CALML3: variants seen among roughly 807,000 people sequenced by gnomAD.
CALML3 encodes calmodulin like 3, also known as calmodulin-like protein 3.
For synonymous variants in CALML3, 98 were observed against 89.9 expected, an observed-to-expected ratio of 1.09 and a Z score of -0.51; for missense variants, 198 against 214.1, an observed-to-expected ratio of 0.92 and a Z score of 0.47.
rs1588462373 is a variant in CALML3 at position 5,525,053 on chromosome 10, G to A, written c.-33G>A. The A allele has an allele frequency of 2.7e-6, 4 of 1,499,812 alleles. No homozygotes were observed. The highest frequency in any genetic ancestry group is 3.6e-6 in the Non-Finnish European group (4 of 1,095,970). The allele number at this position is 1,499,812 out of a possible 1,614,324, so 92.9% of individuals were successfully genotyped here. On this transcript the variant is annotated 5_prime_UTR_variant, in exon 1 of 1. Transcript: ENST00000315238. Reference sequence around the variant, plus strand: ...GCACTGGGAGGGAGACCCCACAGTGGCCTCTTCTGCCACCCACGCCCCCAC... The same window carrying A: ...GCACTGGGAGGGAGACCCCACAGTGACCTCTTCTGCCACCCACGCCCCCAC...
Position 5,525,198 on chromosome 10 carries a change from G to A in CALML3, c.113G>A (p.Arg38Gln), listed in dbSNP as rs753391018. The A allele has an allele frequency of 9.3e-6, 15 of 1,613,778 alleles. No individual in the cohort carries two copies. The highest frequency in any genetic ancestry group is 1.6e-4 in the Middle Eastern group (1 of 6,084). ...ITTRELGTVM[R>Q]SLGQNPTEAE... ...ACCCGCGAGCTGGGCACGGTCATGC[G>A]GTCCCTGGGCCAGAACCCCACGGAG... is the stretch of plus-strand genomic sequence containing the variant. Residue 38 changes from arginine (R) to glutamine (Q), a missense_variant, in exon 1 of 1, where the codon CGG becomes CAG. Coordinates refer to ENST00000315238, the MANE Select transcript of CALML3 (RefSeq NM_005185.4).
At position 5,525,668 on chromosome 10, in the gene CALML3, C is replaced by G; in HGVS notation, c.*133C>G. 1 of 1,451,254 alleles carries G rather than the reference C, an allele frequency of 6.9e-7. No individual in the cohort carries two copies. The highest frequency in any genetic ancestry group is 9.1e-7 in the Non-Finnish European group (1 of 1,101,142). The allele number at this position is 1,451,254 out of a possible 1,614,324, so 89.9% of individuals were successfully genotyped here. A position where few individuals can be genotyped will look rare whatever the true frequency, so the allele number is the denominator to read the frequency against. ...CCTCCTGCGCCTGGTTGATTCAGCC[C>G]ACCTCTCTGCATCCCGCTTCCCGCG... On this transcript the variant is annotated 3_prime_UTR_variant, in exon 1 of 1. Coordinates refer to ENST00000315238, the MANE Select transcript of CALML3 (RefSeq NM_005185.4).
rs768296248 is a variant in CALML3 at position 5,525,453 on chromosome 10, A to G, written c.368A>G (p.Asp123Gly). Residue 123 changes from aspartate to glycine, a missense_variant, in exon 1 of 1, where the codon GAC (aspartate) becomes GGC (glycine). Physicochemically the swap from Asp to Gly is moderately conservative, Grantham distance 94 (BLOSUM62 -1). Coordinates refer to ENST00000315238, the MANE Select transcript of CALML3 (RefSeq NM_005185.4). ...GAGAAGCTGAGTGACGAGGAGGTGG[A>G]CGAGATGATCCGGGCCGCGGACACG... ...LGEKLSDEEV[D>G]EMIRAADTDG... 4 of 1,613,928 alleles carry G rather than the reference A, an allele frequency of 2.5e-6. No individual in the cohort carries two copies. In the South Asian group the frequency reaches 3.3e-5, roughly 13 times the overall value.
chr10:5,525,637 T>C lies in CALML3; in HGVS notation c.*102T>C. The stretch of plus-strand genomic sequence containing the variant: ...ATCCCCCTGCCTCCCCTGGGCACTG[T>C]GGCTTCCTCCTGCGCCTGGTTGATT... On this transcript the variant is annotated 3_prime_UTR_variant, in exon 1 of 1. Coordinates refer to ENST00000315238, the MANE Select transcript of CALML3 (RefSeq NM_005185.4). 6.9e-7 allele frequency: 1 copy of C among 1,449,108 alleles called. No individual in the cohort carries two copies. Among genetic ancestry groups the C allele is most frequent in the South Asian group, 1.5e-5 (1 of 68,480 alleles). The allele number at this position is 1,449,108 out of a possible 1,614,324, so 89.8% of individuals were successfully genotyped here. A position where few individuals can be genotyped will look rare whatever the true frequency, so the allele number is the denominator to read the frequency against.
In CALML3 at chr10:5,525,829, G is replaced by A; in HGVS notation, c.*294G>A. On this transcript the variant is annotated 3_prime_UTR_variant, in exon 1 of 1. Coordinates refer to ENST00000315238, the MANE Select transcript of CALML3 (RefSeq NM_005185.4). ...ACCTTAGGACCGAGCACCAGGGCAG[G>A]TTGCGCTGACTCTGCGGCCCTCCAG... The A allele has an allele frequency of 7.9e-7, 1 of 1,258,162 alleles. No individual in the cohort carries two copies. The highest frequency in any genetic ancestry group is 3.1e-4 in the Middle Eastern group (1 of 3,212). The allele number at this position is 1,258,162 out of a possible 1,614,324, so 77.9% of individuals were successfully genotyped here. A position where few individuals can be genotyped will look rare whatever the true frequency, so the allele number is the denominator to read the frequency against.
At position 5,525,608 on chromosome 10, in the gene CALML3, C is replaced by T; in HGVS notation, c.*73C>T. On this transcript the variant is annotated 3_prime_UTR_variant, in exon 1 of 1. Coordinates refer to ENST00000315238, the MANE Select transcript of CALML3 (RefSeq NM_005185.4). The stretch of plus-strand genomic sequence containing the variant: ...AGAACCCGGGGCCTCCCGCCTCCTC[C>T]CCCATCCCCCTGCCTCCCCTGGGCA... The T allele has an allele frequency of 6.8e-7, 1 of 1,475,036 alleles. No individual in the cohort carries two copies. Among genetic ancestry groups the T allele is most frequent in the Admixed American group, 2.5e-5 (1 of 39,860 alleles). The allele number at this position is 1,475,036 out of a possible 1,614,324, so 91.4% of individuals were successfully genotyped here.
rs1833577251 is a variant in CALML3 at position 5,525,704 on chromosome 10, G to A, written c.*169G>A. On this transcript the variant is annotated 3_prime_UTR_variant, in exon 1 of 1. Transcript: ENST00000315238. ...ATCCCGCTTCCCGCGTCTCTTCTCT[G>A]CACTCCTGCCGACCTTCCCACCTGC... 6.9e-7 allele frequency: 1 copy of A among 1,447,090 alleles called. No homozygotes were observed. The highest frequency in any genetic ancestry group is 1.4e-5 in the African/African-American group (1 of 69,680). 89.6% of individuals were successfully genotyped at this position (1,447,090 alleles called of 1,614,324 possible).
At position 5,526,080 on chromosome 10, in the gene CALML3, G is replaced by T. The variant is rs181062391; in HGVS notation, c.*545G>T. 1 of 170,418 alleles carries T rather than the reference G, an allele frequency of 5.9e-6. No individual in the cohort carries two copies. Among genetic ancestry groups the T allele is most frequent in the East Asian group, 1.9e-4 (1 of 5,238 alleles). The allele number at this position is 170,418 out of a possible 1,614,324, so 10.6% of individuals were successfully genotyped here. On this transcript the variant is annotated 3_prime_UTR_variant, in exon 1 of 1. Coordinates refer to ENST00000315238, the MANE Select transcript of CALML3 (RefSeq NM_005185.4). ...ACAGAGGTCAGGCCTCCTGAAAACAGCACTGCCTTCCGCGCTGCCCCAGCT... is the reference window on the plus strand; with the variant it reads ...ACAGAGGTCAGGCCTCCTGAAAACATCACTGCCTTCCGCGCTGCCCCAGCT...
chr10:5,526,014 ATCTT>A lies in CALML3; in HGVS notation c.*480_*483del, dbSNP rs1833582810. The stretch of plus-strand genomic sequence containing the variant: ...GGTCGGATTCTGGAGGGTGGGAGGC[ATCTT>A]GGCCTGCAGTAAGCGGTGCTGACGG... On this transcript the variant is annotated 3_prime_UTR_variant, in exon 1 of 1. Coordinates refer to ENST00000315238, the MANE Select transcript of CALML3 (RefSeq NM_005185.4). 5.5e-6 allele frequency: 1 copy of A among 181,546 alleles called. No individual in the cohort carries two copies. Among genetic ancestry groups the A allele is most frequent in the Non-Finnish European group, 1.3e-5 (1 of 76,616 alleles). The allele number at this position is 181,546 out of a possible 1,614,324, so 11.2% of individuals were successfully genotyped here.
rs192016685 is a variant in CALML3, at chr10:5,525,513, T to A, written c.428T>A (p.Val143Asp). Residue 143 changes from valine to aspartate, a missense_variant, in exon 1 of 1, where the codon GTC (valine) becomes GAC (aspartate). Physicochemically the swap from Val to Asp is radical, Grantham distance 152. Coordinates refer to ENST00000315238, the MANE Select transcript of CALML3 (RefSeq NM_005185.4). ...GDGQVNYEEF[V>D]RVLVSK is the part of the protein sequence containing the mutation. The stretch of plus-strand genomic sequence containing the variant: ...GGACAGGTGAACTACGAGGAGTTTG[T>A]CCGTGTGCTGGTGTCCAAGTGAGGC... The A allele has an allele frequency of 6.2e-6, 10 of 1,603,308 alleles. No homozygotes were observed. In the East Asian group the frequency reaches 2.2e-4, roughly 36 times the overall value.
Position 5,525,433 on chromosome 10 carries a change from G to A in CALML3, c.348G>A (p.Lys116=), listed in dbSNP as rs142151280. The A allele has an allele frequency of 7.3e-5, 118 of 1,613,948 alleles. 1 individual carries two copies. The African/African-American group carries it at 9.9e-4, about 13-fold the overall frequency. Reference sequence around the variant, plus strand: ...ACGTCATGACCCGGCTGGGGGAGAAGCTGAGTGACGAGGAGGTGGACGAGA... The same window carrying A: ...ACGTCATGACCCGGCTGGGGGAGAAACTGAGTGACGAGGAGGTGGACGAGA... ...LRHVMTRLGE[K]LSDEEVDEMI... Residue 116 remains lysine, a synonymous_variant, in exon 1 of 1, where the codon AAG becomes AAA. Coordinates refer to ENST00000315238, the MANE Select transcript of CALML3 (RefSeq NM_005185.4).
At position 5,525,714 on chromosome 10, in the gene CALML3, C is replaced by T. The variant is rs1048187427; in HGVS notation, c.*179C>T. 9.0e-6 allele frequency: 13 copies of T among 1,446,446 alleles called. No homozygotes were observed. The highest frequency in any genetic ancestry group is 2.9e-5 in the African/African-American group (2 of 69,582). The allele number at this position is 1,446,446 out of a possible 1,614,324, so 89.6% of individuals were successfully genotyped here. On this transcript the variant is annotated 3_prime_UTR_variant, in exon 1 of 1. Coordinates refer to ENST00000315238, the MANE Select transcript of CALML3 (RefSeq NM_005185.4). ...CCGCGTCTCTTCTCTGCACTCCTGC[C>T]GACCTTCCCACCTGCTCGTCTGAAT...
rs969776450 is a variant in CALML3, at chr10:5,525,770, G to A, written c.*235G>A. On this transcript the variant is annotated 3_prime_UTR_variant, in exon 1 of 1. Coordinates refer to ENST00000315238, the MANE Select transcript of CALML3 (RefSeq NM_005185.4). The stretch of plus-strand genomic sequence containing the variant: ...GGAACGCTCCCACTGCAGGCAAACC[G>A]TGACGCCCTCCCCACTCGGGAGAAG... 1 of 1,418,320 alleles carries A rather than the reference G, an allele frequency of 7.1e-7. No individual in the cohort carries two copies. The highest frequency in any genetic ancestry group is 1.4e-5 in the African/African-American group (1 of 69,162). 87.9% of individuals were successfully genotyped at this position (1,418,320 alleles called of 1,614,324 possible).
In CALML3 at chr10:5,525,075, C is replaced by G; in HGVS notation, c.-11C>G. On this transcript the variant is annotated 5_prime_UTR_variant, in exon 1 of 1. Transcript: ENST00000315238. ...GTGGCCTCTTCTGCCACCCACGCCC[C>G]CACCCCTGGCATGGCCGACCAGCTG... is the stretch of plus-strand genomic sequence containing the variant. 6.3e-7 allele frequency: 1 copy of G among 1,578,830 alleles called. No homozygotes were observed. Among genetic ancestry groups the G allele is most frequent in the Non-Finnish European group, 8.6e-7 (1 of 1,156,804 alleles).
Position 5,525,562 on chromosome 10 carries a change from G to A in CALML3, c.*27G>A, listed in dbSNP as rs1305111583. On this transcript the variant is annotated 3_prime_UTR_variant, in exon 1 of 1. Transcript: ENST00000315238. ...GCCGGCGCCCACCATGCTCCTGGGC[G>A]CCCACGCGGCCCACAGGGCAAGAAC... 1.9e-6 allele frequency: 3 copies of A among 1,541,214 alleles called. No individual in the cohort carries two copies. Among genetic ancestry groups the A allele is most frequent in the East Asian group, 2.3e-5 (1 of 43,502 alleles).
chr10:5,525,651 G>A lies in CALML3; in HGVS notation c.*116G>A, dbSNP rs1304863210. On this transcript the variant is annotated 3_prime_UTR_variant, in exon 1 of 1. Coordinates refer to ENST00000315238, the MANE Select transcript of CALML3 (RefSeq NM_005185.4). ...CCTGGGCACTGTGGCTTCCTCCTGC[G>A]CCTGGTTGATTCAGCCCACCTCTCT... is the stretch of plus-strand genomic sequence containing the variant. 6.9e-6 allele frequency: 10 copies of A among 1,453,274 alleles called. No homozygotes were observed. Among genetic ancestry groups the A allele is most frequent in the East Asian group, 2.5e-5 (1 of 40,104 alleles). 90.0% of individuals were successfully genotyped at this position (1,453,274 alleles called of 1,614,324 possible).
Position 5,526,309 on chromosome 10 carries a change from T to C in CALML3, c.*774T>C, listed in dbSNP as rs1316790292. On this transcript the variant is annotated 3_prime_UTR_variant, in exon 1 of 1. Coordinates refer to ENST00000315238, the MANE Select transcript of CALML3 (RefSeq NM_005185.4). ...TGGTTTCCATGGAAATGATCCTTGT[T>C]AAATTCAGGGTTGAAACGAGGCAGG... The C allele has an allele frequency of 6.0e-6, 1 of 166,972 alleles. No homozygotes were observed. The highest frequency in any genetic ancestry group is 1.5e-5 in the Non-Finnish European group (1 of 68,096). 10.3% of individuals were successfully genotyped at this position (166,972 alleles called of 1,614,324 possible).
In CALML3 at chr10:5,525,345, G is replaced by T; in HGVS notation, c.260G>T (p.Arg87Leu). The T allele has an allele frequency of 6.2e-7, 1 of 1,613,954 alleles. No individual in the cohort carries two copies. The highest frequency in any genetic ancestry group is 8.5e-7 in the Non-Finnish European group (1 of 1,179,996). ...GACACGGACAACGAGGAGGAGATCC[G>T]CGAGGCCTTCCGCGTGTTCGACAAG... is the stretch of plus-strand genomic sequence containing the variant. ...MKDTDNEEEI[R>L]EAFRVFDKDG... The change falls in exon 1 of 1, where the codon CGC becomes CTC. Residue 87 changes from arginine to leucine, a missense_variant. Coordinates refer to ENST00000315238, the MANE Select transcript of CALML3 (RefSeq NM_005185.4).
rs1245290120 is a variant in CALML3 at position 5,525,034 on chromosome 10, G to A, written c.-52G>A. 4 of 1,372,058 alleles carry A rather than the reference G, an allele frequency of 2.9e-6. No individual in the cohort carries two copies. Among genetic ancestry groups the A allele is most frequent in the South Asian group, 2.6e-5 (2 of 77,006 alleles). The allele number at this position is 1,372,058 out of a possible 1,614,324, so 85.0% of individuals were successfully genotyped here. ...GGACAGCAGCCGGGCTGCGGCACTG[G>A]GAGGGAGACCCCACAGTGGCCTCTT... On this transcript the variant is annotated 5_prime_UTR_variant, in exon 1 of 1. Coordinates refer to ENST00000315238, the MANE Select transcript of CALML3 (RefSeq NM_005185.4).
Sources: gnomAD v4.1 joint callset for allele counts on GRCh38, gnomAD v4.1.1 for gene constraint, MANE v1.5 for transcripts, NCBI Gene and HGNC (gene_info 2026-07-23, HGNC 2026-07-21) for gene names.